Variants in CYP7B1 observed in about 807,000 individuals in gnomAD.
The protein encoded by CYP7B1 is cytochrome P450 family 7 subfamily B member 1, also known as cytochrome P450 7B1.
CYP7B1 carries 29 observed loss-of-function variants against 42.7 expected under a neutral mutation model. The ratio of observed to expected loss-of-function variants is 0.68; its 90% CI spans 0.51 to 0.93. The LOEUF (loss-of-function observed/expected upper bound fraction) is 0.93, where lower values mean the gene tolerates loss of function less well. Among genes scored for constraint, CYP7B1 ranks in the 40% least tolerant of loss-of-function variants. The probability of loss-of-function intolerance (pLI) is 0.00; values close to 1 mark genes in which losing one functional copy is unlikely to be tolerated. For synonymous variants in CYP7B1, 235 were observed against 218.2 expected, an observed-to-expected ratio of 1.08 and a Z score of -0.68; for missense variants, 655 against 600.5, an observed-to-expected ratio of 1.09 and a Z score of -0.95.
chr8:64,657,339 T>C (rs959070446), intron 1 of CYP7B1, among the ~76,000 whole-genome samples: 1 of 152,018 alleles, frequency 6.6e-6, no homozygotes, highest in Non-Finnish European at 1.5e-5. Flanking sequence ...ATTTTTCCCT[T>C]GGGAAAAAAA....
rs1231323928 is a variant in CYP7B1 at position 64,594,116 on chromosome 8, G to A, written c.*2526C>T. The stretch of plus-strand genomic sequence containing the variant: ...TGGACTAAATGTGTGTATGTGGGGG[G>A]TGGGTGGTGGGGCTTGGGGACAAGG... On this transcript the variant is annotated 3_prime_UTR_variant, in exon 6 of 6. Transcript: ENST00000310193. 3.9e-5 allele frequency among the ~76,000 whole-genome samples: 6 copies of A among 151,964 alleles called. No individual in the cohort carries two copies. Among genetic ancestry groups the A allele is most frequent in the Non-Finnish European group, 2.9e-5 (2 of 67,960 alleles).
intron 1 of CYP7B1, among the ~76,000 whole-genome samples, chr8:64,714,925 C>T (rs1029782876): frequency 1.3e-5 from 2 of 151,990 alleles, no homozygotes; most frequent in Admixed American, 1.3e-4. Flanking sequence ...TAAAACTGAC[C>T]GTGTTCCTTA....
chr8:64,745,428 G>A (rs1159585557), intron 1 of CYP7B1, among the ~76,000 whole-genome samples: 1 of 152,130 alleles, frequency 6.6e-6, no homozygotes, highest in African/African-American at 2.4e-5. Flanking sequence ...TAAAACCAAA[G>A]CTAATGACTT....
chr8:64,659,589 CACA>C (rs1483681949), intron 1 of CYP7B1, among the ~76,000 whole-genome samples: 1 of 152,142 alleles, frequency 6.6e-6, no homozygotes, highest in Non-Finnish European at 1.5e-5. Context: ...TAAGTTTTAG[CACA>C]ACATTATAAT....
chr8:64,685,162 G>T (rs190559541), intron 1 of CYP7B1, among the ~76,000 whole-genome samples: 1,883 of 152,166 alleles, frequency 0.012, 22 homozygotes, highest in Non-Finnish European at 0.02. Flanking sequence ...CGCCCCGCCG[G>T]CGAGCGCCGC....
chr8:64,747,421 A>G (rs1807660352), intron 1 of CYP7B1, among the ~76,000 whole-genome samples: 1 of 151,296 alleles, frequency 6.6e-6, no homozygotes, highest in African/African-American at 2.4e-5. Flanking sequence ...CCAAAAACTT[A>G]ACTAATAGCA....
rs201946309 is a variant in CYP7B1, at chr8:64,643,174, T to C, written c.123-18635A>G. On this transcript the variant is annotated intron_variant, in intron 1 of 5. Transcript: ENST00000310193. ...ATATACATATATACACATATATACA[T>C]ATATATACATATATATATACACACA... Among the ~76,000 whole-genome samples, 435 of 93,726 alleles carry C rather than the reference T, an allele frequency of 4.6e-3. 13 individuals are homozygous for C. The highest frequency in any genetic ancestry group is 0.013 in the African/African-American group (396 of 30,372). 61.5% of individuals were successfully genotyped at this position (93,726 alleles called of 152,430 possible).
intron 2 of CYP7B1, among the ~76,000 whole-genome samples, chr8:64,621,893 G>A (rs1446042606): frequency 6.6e-6 from 1 of 151,450 alleles, no homozygotes; most frequent in Non-Finnish European, 1.5e-5. Context: ...ATGCCACCAT[G>A]CCCAGCTAAT....
intron 1 of CYP7B1, among the ~76,000 whole-genome samples, chr8:64,658,343 A>G (rs984654848): frequency 1.3e-5 from 2 of 152,196 alleles, no homozygotes; most frequent in Admixed American, 6.5e-5. Context: ...AGTAAAACTA[A>G]TATTTATTCA....
rs746851278 is a variant in CYP7B1 at position 64,596,752 on chromosome 8, C to A, written c.1411G>T (p.Asp471Tyr). ...GGCTTATCATCAATTATTTCTAAAT[C>A]AAAATAAGTTAAAAGTATAACCAAC... Reference protein sequence around the residue: ...QLLVILLTYFDLEIIDDKPIG... With the variant: ...QLLVILLTYFYLEIIDDKPIG... The change falls in exon 6 of 6, where the codon GAT becomes TAT. Residue 471 changes from aspartate to tyrosine, a missense_variant. Transcript: ENST00000310193. 6.2e-7 allele frequency: 1 copy of A among 1,613,752 alleles called. No homozygotes were observed. Among genetic ancestry groups the A allele is most frequent in the South Asian group, 1.1e-5 (1 of 91,018 alleles).
At chr8:64,676,982 T>C (rs1050674103) in intron 1 of CYP7B1, among the ~76,000 whole-genome samples, 1 of 152,110 alleles carries the variant, frequency 6.6e-6, no homozygotes, top group African/African-American at 2.4e-5. Flanking sequence ...TATTGTCAGC[T>C]GATGAACCGA....
intron 5 of CYP7B1, among the ~76,000 whole-genome samples, chr8:64,602,838 A>G (rs1213272660): frequency 1.3e-5 from 2 of 152,240 alleles, no homozygotes; most frequent in Non-Finnish European, 2.9e-5. Context: ...AATCAAAGGA[A>G]TAACTGATAT....
At chr8:64,748,189 AC>A (rs1351734618) in intron 1 of CYP7B1, among the ~76,000 whole-genome samples, 1 of 152,168 alleles carries the variant, frequency 6.6e-6, no homozygotes, top group Admixed American at 6.5e-5. Context: ...GGACTGAAGC[AC>A]CTGCTGAGAA....
At chr8:64,770,992 A>G (rs1804212804) in intron 1 of CYP7B1, among the ~76,000 whole-genome samples, 1 of 148,422 alleles carries the variant, frequency 6.7e-6, no homozygotes, top group Admixed American at 6.7e-5. Context: ...TTTTGAAAAC[A>G]ACTTCCTCAA....
chr8:64,723,938 A>T (rs1173275785), intron 1 of CYP7B1, among the ~76,000 whole-genome samples: 1 of 152,192 alleles, frequency 6.6e-6, no homozygotes, highest in Non-Finnish European at 1.5e-5. Context: ...TTAAATAAAA[A>T]ATAAGATGCA....
intron 1 of CYP7B1, among the ~76,000 whole-genome samples, chr8:64,786,282 C>G (rs545955003): frequency 1.6e-4 from 25 of 152,288 alleles, no homozygotes; most frequent in African/African-American, 5.5e-4. Flanking sequence ...AAAGTCTCAT[C>G]TGAGACAAGG....
chr8:64,586,756 C>T (rs1350928166), downstream of CYP7B1, among the ~76,000 whole-genome samples: 2 of 152,280 alleles, frequency 1.3e-5, no homozygotes, highest in African/African-American at 4.8e-5. Flanking sequence ...ATCCACGTGC[C>T]AAGCAACTTT....
At chr8:64,609,194 C>T (rs564678278) in intron 4 of CYP7B1, among the ~76,000 whole-genome samples, 2 of 152,236 alleles carry the variant, frequency 1.3e-5, no homozygotes, top group East Asian at 3.9e-4. Context: ...TTATGGTGTA[C>T]AACTTGTTGT....
chr8:64,723,643 C>T lies in CYP7B1; in HGVS notation c.122+74823G>A, dbSNP rs1339835004. Among the ~76,000 whole-genome samples, 3 of 152,176 alleles carry T rather than the reference C, an allele frequency of 2.0e-5. 1 individual carries two copies. The East Asian group carries it at 5.8e-4, about 29-fold the overall frequency. ...AAGTATAATCATGTTCTAGAAACTG[C>T]TTAGGCAATCTAAAGATATCTGTTA... On this transcript the variant is annotated intron_variant, in intron 1 of 5. Coordinates refer to ENST00000310193, the MANE Select transcript of CYP7B1 (RefSeq NM_004820.5).
Sources: allele counts gnomAD v4.1 joint callset (sites outside exome capture counted in the v4.1 genomes callset), GRCh38; gene constraint gnomAD v4.1.1; transcripts MANE v1.5; gene names NCBI Gene and HGNC (gene_info 2026-07-23, HGNC 2026-07-21).